Variants in DDAH1 observed in about 807,000 individuals in gnomAD.
The protein encoded by DDAH1 is dimethylarginine dimethylaminohydrolase 1, also known as N(G),N(G)-dimethylarginine dimethylaminohydrolase 1.
A neutral mutation model predicts 28.8 loss-of-function variants in DDAH1; 19 were observed. That is an observed-to-expected ratio of 0.66 (90% CI 0.46 to 0.97). The LOEUF is 0.97. Ranked by LOEUF, DDAH1 falls within the 50% of genes least tolerant of loss-of-function variation. DDAH1 has a pLI of 0.00. For synonymous variants in DDAH1, 153 were observed against 154.4 expected, an observed-to-expected ratio of 0.99 and a Z score of 0.07; for missense variants, 326 against 375.9, an observed-to-expected ratio of 0.87 and a Z score of 1.10.
At chr1:85,478,286 C>T (rs1655871779) in intron 2 of DDAH1, among the ~76,000 whole-genome samples, 1 of 152,058 alleles carries the variant, frequency 6.6e-6, no homozygotes, top group African/African-American at 2.4e-5. Flanking sequence ...TGCTTTTTGC[C>T]AAGAATGCTT....
At chr1:85,516,226 G>A (rs1412151880) in intron 1 of DDAH1, among the ~76,000 whole-genome samples, 5 of 151,788 alleles carry the variant, frequency 3.3e-5, no homozygotes, top group Admixed American at 6.6e-5. Context: ...ATAACACATG[G>A]GATAGAAAAA....
At chr1:85,403,085 AG>A (rs1356772209) in intron 1 of DDAH1, among the ~76,000 whole-genome samples, 1 of 151,942 alleles carries the variant, frequency 6.6e-6, no homozygotes, top group Non-Finnish European at 1.5e-5. Flanking sequence ...ACTGTCCCTT[AG>A]GGACTGCTAA....
At chr1:85,382,196 G>A (rs1651026938) in intron 1 of DDAH1, among the ~76,000 whole-genome samples, 1 of 152,188 alleles carries the variant, frequency 6.6e-6, no homozygotes, top group South Asian at 2.1e-4. Context: ...AATTAAAAGT[G>A]CCACTCTAGT....
At chr1:85,503,392 G>T (rs1054565375) in intron 1 of DDAH1, among the ~76,000 whole-genome samples, 1 of 152,106 alleles carries the variant, frequency 6.6e-6, no homozygotes, top group Non-Finnish European at 1.5e-5. Context: ...GTAGAAACGG[G>T]TTTTCACCAT....
At chr1:85,567,008 A>G (rs1482509894) in intron 1 of DDAH1, among the ~76,000 whole-genome samples, 1 of 152,172 alleles carries the variant, frequency 6.6e-6, no homozygotes, top group Admixed American at 6.5e-5. Context: ...GAAACCTCCC[A>G]TCTCAGCTCA....
At chr1:85,350,602 C>G in intron 3 of DDAH1, 68 bp from the exon 4 acceptor site, 1 of 1,520,678 alleles carries the variant, frequency 6.6e-7, no homozygotes, top group East Asian at 2.3e-5. Context: ...TTAAAAACCT[C>G]CCTGAAATAC....
intron 1 of DDAH1, among the ~76,000 whole-genome samples, chr1:85,576,467 G>A (rs893302834): frequency 1.3e-5 from 2 of 152,168 alleles, no homozygotes; most frequent in Admixed American, 6.5e-5. Flanking sequence ...AGGAGAAACC[G>A]AGAGCCAGCT....
chr1:85,388,895 C>T (rs979902485), intron 1 of DDAH1, among the ~76,000 whole-genome samples: 17 of 152,256 alleles, frequency 1.1e-4, no homozygotes, highest in South Asian at 2.1e-4. Flanking sequence ...TTCAAATAGA[C>T]GACCCCTAAG....
chr1:85,428,329 A>C (rs1301626724), intron 1 of DDAH1, among the ~76,000 whole-genome samples: 2 of 152,206 alleles, frequency 1.3e-5, no homozygotes, highest in African/African-American at 4.8e-5. Flanking sequence ...CAATCATGGC[A>C]GAAGGCAAAG....
At chr1:85,326,280 C>T (rs948387256) in intron 4 of DDAH1, among the ~76,000 whole-genome samples, 1 of 152,186 alleles carries the variant, frequency 6.6e-6, no homozygotes, top group Non-Finnish European at 1.5e-5. Flanking sequence ...TGAGCTTATG[C>T]ACTGTATGAA....
At chr1:85,393,397 C>T (rs756002146) in intron 1 of DDAH1, among the ~76,000 whole-genome samples, 2 of 152,182 alleles carry the variant, frequency 1.3e-5, no homozygotes, top group Admixed American at 6.5e-5. Context: ...AAAATGCCTT[C>T]TTTGTCCTAT....
intron 2 of DDAH1, among the ~76,000 whole-genome samples, chr1:85,471,923 GGCCTCAGAAGCA>G (rs879606580): frequency 1.2e-4 from 18 of 152,112 alleles, no homozygotes; most frequent in Non-Finnish European, 2.4e-4. Context: ...CCAAAATGAA[GGCCTCAGAAGCA>G]GCCTCAGAGG....
intron 2 of DDAH1, 106 bp downstream of exon 2, chr1:85,358,640 CTG>C: frequency 1.2e-6 from 1 of 839,872 alleles, no homozygotes. Flanking sequence ...CAGCGAGACT[CTG>C]TCTCAAAAAC....
intron 1 of DDAH1, among the ~76,000 whole-genome samples, chr1:85,390,499 T>C (rs1265044980): frequency 6.6e-6 from 1 of 152,142 alleles, no homozygotes; most frequent in Non-Finnish European, 1.5e-5. Flanking sequence ...GACTGGAGAT[T>C]AGACTCCATA....
intron 1 of DDAH1, among the ~76,000 whole-genome samples, chr1:85,428,291 A>G (rs1653504806): frequency 6.6e-6 from 1 of 152,212 alleles, no homozygotes; most frequent in Non-Finnish European, 1.5e-5. Flanking sequence ...TAATGGACTC[A>G]CAGTTCCACA....
chr1:85,392,599 TC>T (rs1651606046), intron 1 of DDAH1, among the ~76,000 whole-genome samples: 1 of 151,304 alleles, frequency 6.6e-6, no homozygotes, highest in African/African-American at 2.4e-5. Flanking sequence ...TCGAGACCAG[TC>T]TGGCCAACAT....
At position 85,358,731 on chromosome 1, in the gene DDAH1, A is replaced by C. The variant is rs1166418308; in HGVS notation, c.403+17T>G. 6.6e-7 allele frequency: 1 copy of C among 1,506,084 alleles called. No individual in the cohort carries two copies. Among genetic ancestry groups the C allele is most frequent in the Non-Finnish European group, 9.0e-7 (1 of 1,105,356 alleles). 93.3% of individuals were successfully genotyped at this position (1,506,084 alleles called of 1,614,324 possible). On this transcript the variant is annotated intron_variant, in intron 2 of 5. Transcript: ENST00000284031. The stretch of plus-strand genomic sequence containing the variant: ...ATTAAAAATATTCTTGGATAGAAAA[A>C]ATAAATACAACTATACCTGTGAATA...
At chr1:85,458,145 C>A (rs1408456251) in intron 1 of DDAH1, among the ~76,000 whole-genome samples, 1 of 152,096 alleles carries the variant, frequency 6.6e-6, no homozygotes, top group East Asian at 1.9e-4. Context: ...ATTTGCTAAC[C>A]TAAACTAAGT....
At chr1:85,497,518 G>A (rs1557693382) in intron 1 of DDAH1, among the ~76,000 whole-genome samples, 2 of 152,124 alleles carry the variant, frequency 1.3e-5, no homozygotes, top group Non-Finnish European at 2.9e-5. Flanking sequence ...TGTTAACATG[G>A]TTTCCATTAT....
Sources: gnomAD v4.1 joint callset for allele counts (sites outside exome capture counted in the v4.1 genomes callset) on GRCh38, gnomAD v4.1.1 for gene constraint, MANE v1.5 for transcripts, NCBI Gene and HGNC (gene_info 2026-07-23, HGNC 2026-07-21) for gene names.